The following KLF5 variants were observed in gnomAD, a reference collection of about 807,000 sequenced individuals.
The protein encoded by KLF5 is KLF transcription factor 5, also known as Krueppel-like factor 5.
A neutral mutation model predicts 36.9 loss-of-function variants in KLF5; 9 were observed. The observed-to-expected ratio is 0.24, with a 90% confidence interval of 0.15 to 0.43. The LOEUF is 0.43. Ranked by LOEUF, KLF5 falls within the 20% of genes least tolerant of loss-of-function variation. The probability of loss-of-function intolerance (pLI) is 1.00; values close to 1 mark genes in which losing one functional copy is unlikely to be tolerated. For missense variants in KLF5, 524 were observed against 599.5 expected (o/e 0.87, Z 1.31); for synonymous variants, 246 against 241.7 (o/e 1.02, Z -0.17).
At chr13:73,070,548 T>A (rs982404502) in intron 3 of KLF5, among the ~76,000 whole-genome samples, 3 of 152,188 alleles carry the variant, frequency 2.0e-5, no homozygotes, top group Non-Finnish European at 4.4e-5. Flanking sequence ...GTAGCAGTAG[T>A]TTAGGAGCCC....
chr13:73,069,699 C>G (rs1351156511), intron 3 of KLF5, among the ~76,000 whole-genome samples: 1 of 152,066 alleles, frequency 6.6e-6, no homozygotes, highest in Admixed American at 6.5e-5. Context: ...CTTGTTCTTT[C>G]TTCTGAGAAA....
intron 3 of KLF5, among the ~76,000 whole-genome samples, chr13:73,075,424 G>A (rs2044752383): frequency 6.6e-6 from 1 of 152,144 alleles, no homozygotes; most frequent in African/African-American, 2.4e-5. Flanking sequence ...TAAGGGCACT[G>A]ATTCGTTTTG....
chr13:73,064,692 C>T (rs2044666567), intron 3 of KLF5, among the ~76,000 whole-genome samples: 1 of 151,968 alleles, frequency 6.6e-6, no homozygotes, highest in African/African-American at 2.4e-5. Flanking sequence ...TACAGGCCCC[C>T]ACCACCATGC....
chr13:73,075,615 G>T, intron 3 of KLF5, 93 bp from the exon 4 acceptor site: 1 of 1,131,146 alleles, frequency 8.8e-7, no homozygotes, highest in South Asian at 1.9e-5. Flanking sequence ...GCTTGGCCAA[G>T]ATTTTTTTTT....
chr13:73,061,369 A>C (rs1279328481), intron 1 of KLF5, among the ~76,000 whole-genome samples: 1 of 152,236 alleles, frequency 6.6e-6, no homozygotes, highest in African/African-American at 2.4e-5. Flanking sequence ...TATCTAGTCA[A>C]GAAAAGAAAC....
Position 73,075,914 on chromosome 13 carries a change from C to A in KLF5, c.*28C>A, listed in dbSNP as rs564638386. The A allele has an allele frequency of 2.0e-6, 3 of 1,491,390 alleles. No homozygotes were observed. Among genetic ancestry groups the A allele is most frequent in the Non-Finnish European group, 2.7e-6 (3 of 1,100,774 alleles). The allele number at this position is 1,491,390 out of a possible 1,614,324, so 92.4% of individuals were successfully genotyped here. A position where few individuals can be genotyped will look rare whatever the true frequency, so the allele number is the denominator to read the frequency against. ...ACTGCCCGTGTGACCCGTTCCAGGTCCCCTGGGCTCCCTCAAATGACAGAC... is the reference window on the plus strand; with the variant it reads ...ACTGCCCGTGTGACCCGTTCCAGGTACCCTGGGCTCCCTCAAATGACAGAC... On this transcript the variant is annotated 3_prime_UTR_variant, in exon 4 of 4. Transcript: ENST00000377687.
rs148192855 is a variant in KLF5, at chr13:73,069,348, T to C, written c.1195+5465T>C. Among the ~76,000 whole-genome samples, 556 of 152,292 alleles carry C rather than the reference T, an allele frequency of 3.7e-3. 2 individuals are homozygous for C. Among genetic ancestry groups the C allele is most frequent in the African/African-American group, 0.012 (501 of 41,568 alleles). On this transcript the variant is annotated intron_variant, in intron 3 of 3. Transcript: ENST00000377687. ...GTGGTTAAATGTGTAACCTGTTTTA[T>C]TGGTAGAGATAACACAGGCAAAATC...
upstream of KLF5, among the ~76,000 whole-genome samples, chr13:73,056,499 A>G (rs2044584217): frequency 6.6e-6 from 1 of 152,258 alleles, no homozygotes; most frequent in Non-Finnish European, 1.5e-5. Context: ...AACCTGGAAC[A>G]TTTGAAAAAT....
upstream of KLF5, among the ~76,000 whole-genome samples, chr13:73,056,089 C>T (rs2044581660): frequency 6.6e-6 from 1 of 151,944 alleles, no homozygotes; most frequent in African/African-American, 2.4e-5. Flanking sequence ...CCTTCAAACC[C>T]CCTCCCCCAA....
rs1427635898 is a variant in KLF5, at chr13:73,076,733, A to G, written c.*847A>G. 6.6e-6 allele frequency: 1 copy of G among 152,208 alleles called. No individual in the cohort carries two copies. The highest frequency in any genetic ancestry group is 1.5e-5 in the Non-Finnish European group (1 of 68,026). The allele number at this position is 152,208 out of a possible 1,614,324, so 9.4% of individuals were successfully genotyped here. On this transcript the variant is annotated 3_prime_UTR_variant, in exon 4 of 4. Coordinates refer to ENST00000377687, the MANE Select transcript of KLF5 (RefSeq NM_001730.5). ...GATAGTTACAAAATACAAAAGTTCA[A>G]CCTCTTACAATAAGCTAAACGCAAT...
In KLF5 at chr13:73,062,130, C is replaced by T. The variant is rs375210000; in HGVS notation, c.531C>T (p.Ala177=). 4 of 1,613,978 alleles carry T rather than the reference C, an allele frequency of 2.5e-6. No individual in the cohort carries two copies. Among genetic ancestry groups the T allele is most frequent in the African/African-American group, 2.7e-5 (2 of 74,900 alleles). Residue 177 remains alanine (A), a synonymous_variant, in exon 2 of 4, where the codon GCC becomes GCT. Transcript: ENST00000377687. ...AIFSHQSETT[A]PPPAPTQALP... ...TCAGCCACCAGAGTGAAACGACTGC[C>T]CCTCCTCCGGCCCCGACCCAGGCCC...
At chr13:73,075,109 G>A (rs1473459981) in intron 3 of KLF5, 1 of 152,126 alleles carries the variant, frequency 6.6e-6, no homozygotes, top group Non-Finnish European at 1.5e-5. Context: ...TGCCCTAATA[G>A]TCCATTTTGG....
chr13:73,055,843 T>C (rs1215525517), upstream of KLF5, among the ~76,000 whole-genome samples: 1 of 152,198 alleles, frequency 6.6e-6, no homozygotes, highest in African/African-American at 2.4e-5. Context: ...CAGAAATAAA[T>C]ATTCTATGAA....
chr13:73,075,952 G>A lies in KLF5; in HGVS notation c.*66G>A. The A allele has an allele frequency of 1.5e-5, 20 of 1,291,404 alleles. No individual in the cohort carries two copies. The highest frequency in any genetic ancestry group is 2.0e-5 in the Non-Finnish European group (20 of 989,400). 80.0% of individuals were successfully genotyped at this position (1,291,404 alleles called of 1,614,324 possible). On this transcript the variant is annotated 3_prime_UTR_variant, in exon 4 of 4. Coordinates refer to ENST00000377687, the MANE Select transcript of KLF5 (RefSeq NM_001730.5). ...TCAAATGACAGACCTAACTATTCCTGTGTAAAAACAACAAAAACAAACAAA... is the reference window on the plus strand; with the variant it reads ...TCAAATGACAGACCTAACTATTCCTATGTAAAAACAACAAAAACAAACAAA...
At chr13:73,070,351 T>C (rs149542699) in intron 3 of KLF5, among the ~76,000 whole-genome samples, 37 of 152,346 alleles carry the variant, frequency 2.4e-4, no homozygotes, top group African/African-American at 8.4e-4. Flanking sequence ...TTTTCTGTTT[T>C]GCTTACAAAA....
Position 73,062,264 on chromosome 13 carries a change from C to T in KLF5, c.665C>T (p.Pro222Leu), listed in dbSNP as rs2044642582. The T allele has an allele frequency of 3.1e-6, 5 of 1,613,978 alleles. No individual in the cohort carries two copies. Among genetic ancestry groups the T allele is most frequent in the Admixed American group, 3.3e-5 (2 of 59,996 alleles). Residue 222 changes from proline to leucine, a missense_variant, in exon 2 of 4, where the codon CCT becomes CTT. Around this residue, in one of 4 missense-constraint regions of KLF5, gnomAD observed 454 missense variants for 458.1 expected, o/e 0.99. Coordinates refer to ENST00000377687, the MANE Select transcript of KLF5 (RefSeq NM_001730.5). ...ACACCAGATCTTCATCTTTCTGTCC[C>T]TACCCAGCAGGGCCACCTGTACCAG... ...LPTPDLHLSV[P>L]TQQGHLYQLL...
chr13:73,059,578 A>C lies in KLF5; in HGVS notation c.251A>C (p.Asp84Ala). The change falls in exon 1 of 4, where the codon GAC becomes GCC. Residue 84 changes from aspartate (D) to alanine (A), a missense_variant. This residue lies in a region of KLF5 where 454 missense variants were observed against 458.1 expected (regional missense o/e 0.99). Coordinates refer to ENST00000377687, the MANE Select transcript of KLF5 (RefSeq NM_001730.5). ...ACCGGCCCGCGGCTGCCTCCAGAGG[A>C]CCTGGTCCAGGTAGGAAGAGCCGCT... Reference protein sequence around the residue: ...PATGPRLPPEDLVQTRCEMEK... With the variant: ...PATGPRLPPEALVQTRCEMEK... 8.6e-7 allele frequency: 1 copy of C among 1,162,362 alleles called. No homozygotes were observed. The highest frequency in any genetic ancestry group is 1.1e-6 in the Non-Finnish European group (1 of 946,640). The allele number at this position is 1,162,362 out of a possible 1,614,324, so 72.0% of individuals were successfully genotyped here.
intron 3 of KLF5, among the ~76,000 whole-genome samples, chr13:73,070,160 G>A (rs1342710008): frequency 6.6e-6 from 1 of 152,106 alleles, no homozygotes; most frequent in Non-Finnish European, 1.5e-5. Context: ...TGCACAGTAG[G>A]TAACTTTTAC....
intron 3 of KLF5, 104 bp downstream of exon 3, chr13:73,063,987 G>GT (rs397951061): frequency 4.0e-3 from 1,778 of 448,026 alleles, no homozygotes; most frequent in African/African-American, 0.013. Context: ...TGTCAACTTT[G>GT]TTTTTTTTTT....
Sources: allele counts gnomAD v4.1 joint callset (sites outside exome capture counted in the v4.1 genomes callset), GRCh38; gene constraint gnomAD v4.1.1; regional missense constraint gnomAD v4.1.1; transcripts MANE v1.5; gene names NCBI Gene and HGNC (gene_info 2026-07-23, HGNC 2026-07-21).